Variants in PGRMC2 observed in about 807,000 individuals in gnomAD.
The protein encoded by PGRMC2 is progesterone receptor membrane component 2.
Under a neutral mutation model 19.3 loss-of-function variants are expected in PGRMC2, and 9 were observed. The observed-to-expected ratio is 0.47, with a 90% confidence interval of 0.28 to 0.81. The LOEUF (loss-of-function observed/expected upper bound fraction) is 0.81. Among genes scored for constraint, PGRMC2 ranks in the 40% least tolerant of loss-of-function variants. PGRMC2 has a pLI of 0.11. For synonymous variants in PGRMC2, 157 were observed against 124.6 expected, an observed-to-expected ratio of 1.26 and a Z score of -1.73; for missense variants, 289 against 297.3, an observed-to-expected ratio of 0.97 and a Z score of 0.21.
At chr4:128,277,541 A>C (rs950056529) in intron 1 of PGRMC2, among the ~76,000 whole-genome samples, 85 of 152,198 alleles carry the variant, frequency 5.6e-4, no homozygotes, top group African/African-American at 1.6e-3. Flanking sequence ...TAAAAACCAT[A>C]TCTCTCAGAG....
At chr4:128,273,663 G>A (rs962529775) in intron 1 of PGRMC2, among the ~76,000 whole-genome samples, 4 of 152,126 alleles carry the variant, frequency 2.6e-5, no homozygotes, top group Non-Finnish European at 4.4e-5. Flanking sequence ...TTAAATGAGC[G>A]AAATGATTAT....
In PGRMC2 at chr4:128,287,728, G is replaced by A. The variant is rs1245884563; in HGVS notation, c.63C>T (p.Asn21=). 2.0e-6 allele frequency: 3 copies of A among 1,490,238 alleles called. No individual in the cohort carries two copies. Among genetic ancestry groups the A allele is most frequent in the African/African-American group, 2.8e-5 (2 of 72,470 alleles). The allele number at this position is 1,490,238 out of a possible 1,614,324, so 92.3% of individuals were successfully genotyped here. The change falls in exon 1 of 3, where the codon AAC becomes AAT. Residue 21 remains asparagine, a synonymous_variant. Transcript: ENST00000296425. The stretch of plus-strand genomic sequence containing the variant: ...CGCCTGGACTCTCGCTGCCGCCGTC[G>A]TTGCTGCTCTCGCTGCCACTCCCCA... ...GTLGSGSESS[N]DGGSESPGDA...
At chr4:128,282,826 C>G (rs1760928166) in intron 1 of PGRMC2, among the ~76,000 whole-genome samples, 1 of 152,142 alleles carries the variant, frequency 6.6e-6, no homozygotes, top group African/African-American at 2.4e-5. Context: ...TAAAAGTGAA[C>G]AAATTGAAGA....
chr4:128,283,824 A>AT (rs1009774309), intron 1 of PGRMC2, among the ~76,000 whole-genome samples: 60 of 151,238 alleles, frequency 4.0e-4, no homozygotes, highest in African/African-American at 1.4e-3. Flanking sequence ...AGCTCAGCTA[A>AT]TTTTTTTTTG....
chr4:128,274,020 T>A (rs1760769909), intron 1 of PGRMC2, among the ~76,000 whole-genome samples: 1 of 152,208 alleles, frequency 6.6e-6, no homozygotes, highest in Non-Finnish European at 1.5e-5. Flanking sequence ...TCGTATCACA[T>A]GACTATCAAC....
intron 1 of PGRMC2, among the ~76,000 whole-genome samples, chr4:128,273,274 G>A (rs867138469): frequency 6.6e-6 from 1 of 152,164 alleles, no homozygotes; most frequent in Non-Finnish European, 1.5e-5. Flanking sequence ...GACACATTAA[G>A]CAATAATTAG....
At chr4:128,286,478 C>T (rs1760985171) in intron 1 of PGRMC2, among the ~76,000 whole-genome samples, 1 of 152,138 alleles carries the variant, frequency 6.6e-6, no homozygotes, top group Non-Finnish European at 1.5e-5. Context: ...AAATCTTTAA[C>T]TTGCATAACT....
At chr4:128,287,260 T>G (rs1439067698) in intron 1 of PGRMC2, 113 bp downstream of exon 1, 5 of 1,252,202 alleles carry the variant, frequency 4.0e-6, no homozygotes, top group Non-Finnish European at 2.2e-6. Context: ...GGCGCGGGGG[T>G]CCCGGAGACG....
intron 2 of PGRMC2, 25 bp downstream of exon 2, chr4:128,272,337 A>G (rs770444207): frequency 1.3e-5 from 18 of 1,400,902 alleles, no homozygotes; most frequent in Middle Eastern, 1.9e-4. Flanking sequence ...TTAATTTTCC[A>G]AAGAATCCAA....
At chr4:128,277,630 T>C (rs937162182) in intron 1 of PGRMC2, among the ~76,000 whole-genome samples, 1 of 152,196 alleles carries the variant, frequency 6.6e-6, no homozygotes, top group Admixed American at 6.5e-5. Context: ...TGATTATAAA[T>C]TGAGTAACTA....
At chr4:128,272,783 A>G (rs2110558172) in intron 1 of PGRMC2, 1 of 278,222 alleles carries the variant, frequency 3.6e-6, no homozygotes, top group East Asian at 6.1e-5. Flanking sequence ...ATATCCCCAA[A>G]CTTAATATTC....
intron 1 of PGRMC2, among the ~76,000 whole-genome samples, chr4:128,281,900 C>CT (rs1474444506): frequency 6.6e-6 from 1 of 152,148 alleles, no homozygotes; most frequent in Non-Finnish European, 1.5e-5. Flanking sequence ...CATACCCAAT[C>CT]TTTGTATGGC....
chr4:128,283,131 C>A (rs1247558040), intron 1 of PGRMC2, among the ~76,000 whole-genome samples: 3 of 152,202 alleles, frequency 2.0e-5, no homozygotes, highest in Non-Finnish European at 2.9e-5. Flanking sequence ...AGTTCCATTG[C>A]AGTAATATTA....
At chr4:128,286,579 G>A in intron 1 of PGRMC2, 1 of 397,658 alleles carries the variant, frequency 2.5e-6, no homozygotes, top group Non-Finnish European at 4.4e-6. Context: ...ACGTGTACTT[G>A]AAAAGAGAAA....
chr4:128,284,324 T>TC (rs1760953241), intron 1 of PGRMC2, among the ~76,000 whole-genome samples: 3 of 152,078 alleles, frequency 2.0e-5, no homozygotes, highest in Admixed American at 6.5e-5. Context: ...GACCTCAGAC[T>TC]CCCCACCTGT....
chr4:128,281,532 A>G (rs1760910431), intron 1 of PGRMC2, among the ~76,000 whole-genome samples: 1 of 152,226 alleles, frequency 6.6e-6, no homozygotes, highest in African/African-American at 2.4e-5. Flanking sequence ...ATAGTGGGAA[A>G]AGAGGCAAAG....
intron 1 of PGRMC2, 174 bp downstream of exon 1, chr4:128,287,199 G>A (rs1348341001): frequency 1.5e-5 from 9 of 600,202 alleles, no homozygotes; most frequent in Middle Eastern, 4.6e-4. Flanking sequence ...AGCTGCGGGG[G>A]GACGGTGTGT....
intron 1 of PGRMC2, 49 bp downstream of exon 1, chr4:128,287,324 T>A: frequency 6.5e-7 from 1 of 1,549,898 alleles, no homozygotes; most frequent in Non-Finnish European, 8.8e-7. Context: ...CCGAAGGGGG[T>A]TGTGCTTCAG....
At position 128,278,272 on chromosome 4, in the gene PGRMC2, G is replaced by A. The variant is rs561901196; in HGVS notation, c.419-5755C>T. On this transcript the variant is annotated intron_variant, in intron 1 of 2. Coordinates refer to ENST00000296425, the MANE Select transcript of PGRMC2 (RefSeq NM_006320.6). ...ATTAGGAAAAAGGGATTATTCCCCT[G>A]TTGGGGAAACATGTTGGGACAACTA... Among the ~76,000 whole-genome samples the A allele has an allele frequency of 2.6e-5, 4 of 152,176 alleles. No individual in the cohort carries two copies. The East Asian group carries it at 7.7e-4, about 29-fold the overall frequency.
Sources: allele counts gnomAD v4.1 joint callset (sites outside exome capture counted in the v4.1 genomes callset), GRCh38; gene constraint gnomAD v4.1.1; transcripts MANE v1.5; gene names NCBI Gene and HGNC (gene_info 2026-07-23, HGNC 2026-07-21).